The following PCNT variants were observed in gnomAD, a reference collection of about 807,000 sequenced individuals.
The protein encoded by PCNT is pericentrin.
PCNT carries 319 observed loss-of-function variants against 380.4 expected under a neutral mutation model. The ratio of observed to expected loss-of-function variants is 0.84; its 90% CI spans 0.77 to 0.92. PCNT has a LOEUF of 0.92. PCNT is among the 40% of genes least tolerant of loss of function. The pLI is 0.00. For synonymous variants in PCNT, 1,845 were observed against 1,735.2 expected (o/e 1.06, Z -1.57); for missense variants, 4,400 against 4,255.3 (o/e 1.03, Z -0.95).
rs766115057 is a variant in PCNT at position 46,366,732 on chromosome 21, G to A, written c.2758G>A (p.Glu920Lys). Residue 920 changes from glutamate to lysine, a missense_variant, in exon 15 of 47, where the codon GAG becomes AAG. Glu to Lys is a moderately conservative substitution (Grantham distance 56). Transcript: ENST00000359568. ...QQLLSVTAEL[E>K]ARHQAALGEL... ...GCTCCTGTCAGTGACGGCGGAGCTC[G>A]AGGCCAGACACCAGGCCGCGTTGGG... 1.4e-5 allele frequency: 22 copies of A among 1,613,498 alleles called. No individual in the cohort carries two copies. The highest frequency in any genetic ancestry group is 8.9e-5 in the East Asian group (4 of 44,884).
chr21:46,366,396 G>C (rs2084929977), intron 14 of PCNT, among the ~76,000 whole-genome samples, 188 bp from the exon 15 acceptor site: 1 of 152,120 alleles, frequency 6.6e-6, no homozygotes, highest in African/African-American at 2.4e-5. Flanking sequence ...TGGCTTCATG[G>C]GGCCTCTTCA....
chr21:46,364,808 A>G (rs1400380447), intron 14 of PCNT, among the ~76,000 whole-genome samples: 2 of 152,130 alleles, frequency 1.3e-5, no homozygotes, highest in Non-Finnish European at 2.9e-5. Context: ...ACTCACGTTC[A>G]GGTCGCTGGG....
intron 14 of PCNT, 111 bp from the exon 15 acceptor site, chr21:46,366,473 T>C (rs2084932249): frequency 1.1e-6 from 1 of 885,940 alleles, no homozygotes. Context: ...CCCGAAACGA[T>C]GACCTGAACA....
In PCNT at chr21:46,356,961, CT is replaced by C; in HGVS notation, c.1937-9del. ...ACCGGCCTGACTGTCTTCCCTGCTC[CT>C]TTTCCACACAGAGCTTCCCTGGGTG... On this transcript the variant is annotated splice_polypyrimidine_tract_variant and intron_variant, in intron 12 of 46. Coordinates refer to ENST00000359568, the MANE Select transcript of PCNT (RefSeq NM_006031.6). 6.2e-7 allele frequency: 1 copy of C among 1,612,986 alleles called. No individual in the cohort carries two copies. The highest frequency in any genetic ancestry group is 8.5e-7 in the Non-Finnish European group (1 of 1,179,440).
At chr21:46,402,605 T>C in intron 27 of PCNT, 122 bp downstream of exon 27, 1 of 1,022,924 alleles carries the variant, frequency 9.8e-7, no homozygotes, top group Non-Finnish European at 1.5e-6. Context: ...GTGGCCCCCA[T>C]GTGGCAGACA....
chr21:46,416,920 G>T, intron 30 of PCNT, 81 bp downstream of exon 30: 1 of 1,429,910 alleles, frequency 7.0e-7, no homozygotes, highest in Non-Finnish European at 9.5e-7. Flanking sequence ...GCCATTGTTT[G>T]TTCACCTCCT....
At chr21:46,348,869 G>C in intron 6 of PCNT, 143 bp from the exon 7 acceptor site, 1 of 632,932 alleles carries the variant, frequency 1.6e-6, no homozygotes, top group Non-Finnish European at 2.8e-6. Context: ...CAGGCGATCT[G>C]CCTGCCTCAG....
In PCNT at chr21:46,397,982, G is replaced by T. The variant is rs374475993; in HGVS notation, c.4447-32G>T. On this transcript the variant is annotated intron_variant, in intron 22 of 46. Transcript: ENST00000359568. ...TGCAAGGGGCACGCCAGCCCCGTTGGGGTGGTCCCAACACGCTGCCTCTCC... is the reference window on the plus strand; with the variant it reads ...TGCAAGGGGCACGCCAGCCCCGTTGTGGTGGTCCCAACACGCTGCCTCTCC... 7.1e-5 allele frequency: 109 copies of T among 1,532,536 alleles called. 1 individual carries two copies. In the African/African-American group the frequency reaches 1.3e-3, roughly 18 times the overall value. The allele number at this position is 1,532,536 out of a possible 1,614,324, so 94.9% of individuals were successfully genotyped here. A position where few individuals can be genotyped will look rare whatever the true frequency, so the allele number is the denominator to read the frequency against.
chr21:46,392,709 G>A (rs2086075281), intron 21 of PCNT, among the ~76,000 whole-genome samples: 1 of 152,178 alleles, frequency 6.6e-6, no homozygotes, highest in Non-Finnish European at 1.5e-5. Context: ...TTTCCAGGGT[G>A]GAAGACATTG....
chr21:46,415,099 C>T (rs963097619), intron 29 of PCNT, among the ~76,000 whole-genome samples: 1 of 152,236 alleles, frequency 6.6e-6, no homozygotes, highest in African/African-American at 2.4e-5. Context: ...TCCCGCACGT[C>T]GCTGGGACGT....
chr21:46,390,598 G>T, intron 19 of PCNT, 72 bp from the exon 20 acceptor site: 1 of 1,540,256 alleles, frequency 6.5e-7, no homozygotes, highest in Non-Finnish European at 9.0e-7. Flanking sequence ...TAGAAGTGGC[G>T]TTCTCTTGGT....
chr21:46,367,843 A>C (rs1215056478), intron 15 of PCNT, among the ~76,000 whole-genome samples: 1 of 151,604 alleles, frequency 6.6e-6, no homozygotes, highest in Non-Finnish European at 1.5e-5. Context: ...CCTTTTATTG[A>C]TGTTTCCTGA....
intron 38 of PCNT, 76 bp from the exon 39 acceptor site, chr21:46,435,828 C>T (rs1183617472): frequency 3.8e-6 from 6 of 1,576,818 alleles, no homozygotes; most frequent in South Asian, 2.2e-5. Flanking sequence ...AGGCATGAAC[C>T]ACCGCGCCCG....
intron 7 of PCNT, 42 bp from the exon 8 acceptor site, chr21:46,349,642 G>A (rs371902757): frequency 2.5e-6 from 4 of 1,604,460 alleles, no homozygotes; most frequent in East Asian, 4.5e-5. Flanking sequence ...GTTGAGGAGA[G>A]TGATGTCTTG....
chr21:46,383,250 A>G (rs1017570511), intron 16 of PCNT, among the ~76,000 whole-genome samples: 23 of 145,334 alleles, frequency 1.6e-4, no homozygotes, highest in South Asian at 2.3e-4. Flanking sequence ...AGTGTTGTAT[A>G]TTCAGTGATG....
chr21:46,418,842 G>A (rs568964910), intron 31 of PCNT, among the ~76,000 whole-genome samples: 2 of 152,254 alleles, frequency 1.3e-5, no homozygotes, highest in East Asian at 1.9e-4. Flanking sequence ...GCGATGGTGC[G>A]TGGGGGGCTG....
At chr21:46,401,370 C>T (rs1337472219) in intron 25 of PCNT, among the ~76,000 whole-genome samples, 181 bp from the exon 26 acceptor site, 1 of 152,202 alleles carries the variant, frequency 6.6e-6, no homozygotes, top group African/African-American at 2.4e-5. Context: ...CAGGCCTCTG[C>T]TGGGAGGTGG....
chr21:46,429,290 CG>C (rs2087642964), intron 35 of PCNT, among the ~76,000 whole-genome samples: 1 of 64,762 alleles, frequency 1.5e-5, no homozygotes, highest in Non-Finnish European at 2.8e-5. Context: ...GGGGCATGGG[CG>C]GGGGGTGCCG....
intron 33 of PCNT, among the ~76,000 whole-genome samples, chr21:46,426,769 C>CTTGTGGAGG (rs1474843806): frequency 6.6e-6 from 1 of 152,200 alleles, no homozygotes. Context: ...ATCACCAGGG[C>CTTGTGGAGG]TTGTGGAGGT....
Sources: gnomAD v4.1 joint callset for allele counts (sites outside exome capture counted in the v4.1 genomes callset) on GRCh38, gnomAD v4.1.1 for gene constraint, MANE v1.5 for transcripts, NCBI Gene and HGNC (gene_info 2026-07-23, HGNC 2026-07-21) for gene names.